Variants in PTPRD observed in about 807,000 individuals in gnomAD.
PTPRD encodes protein tyrosine phosphatase receptor type D.
PTPRD carries 34 observed loss-of-function variants against 214.5 expected under a neutral mutation model. That is an observed-to-expected ratio of 0.16 (90% CI 0.12 to 0.21). The LOEUF (loss-of-function observed/expected upper bound fraction) is 0.21, where lower values mean the gene tolerates loss of function less well. PTPRD is among the 10% of genes least tolerant of loss of function. The probability of loss-of-function intolerance (pLI) is 1.00; values close to 1 mark genes in which losing one functional copy is unlikely to be tolerated. For missense variants in PTPRD, 2,545 were observed against 2,398.7 expected, an observed-to-expected ratio of 1.06 and a Z score of -1.27; for synonymous variants, 1,128 against 845.7, an observed-to-expected ratio of 1.33 and a Z score of -5.79.
At chr9:8,491,678 A>G (rs1304226562) in intron 27 of PTPRD, among the ~76,000 whole-genome samples, 1 of 150,274 alleles carries the variant, frequency 6.7e-6, no homozygotes, top group South Asian at 2.1e-4. Context: ...AAAAAAAAAA[A>G]GCCCAGAAGA....
chr9:10,203,592 A>C (rs771098221), intron 3 of PTPRD, among the ~76,000 whole-genome samples: 5 of 152,294 alleles, frequency 3.3e-5, no homozygotes, highest in Admixed American at 6.5e-5. Context: ...CTCACAGACA[A>C]GGGGCTAGAT....
intron 4 of PTPRD, among the ~76,000 whole-genome samples, chr9:10,022,489 A>G (rs1269620888): frequency 6.6e-6 from 1 of 152,012 alleles, no homozygotes; most frequent in African/African-American, 2.4e-5. Flanking sequence ...CAAGATTATT[A>G]GTATTAGGTT....
intron 11 of PTPRD, chr9:8,860,748 C>T (rs2098087372): frequency 6.6e-6 from 1 of 152,186 alleles, no homozygotes; most frequent in South Asian, 2.1e-4. Flanking sequence ...CAGAAGCAGG[C>T]TAATCTTTTG....
At chr9:9,656,410 T>C (rs544245493) in intron 7 of PTPRD, among the ~76,000 whole-genome samples, 8 of 152,160 alleles carry the variant, frequency 5.3e-5, no homozygotes, top group South Asian at 4.1e-4. Flanking sequence ...ATCCAGACAA[T>C]AGAATATTAT....
intron 5 of PTPRD, among the ~76,000 whole-genome samples, chr9:9,859,316 T>C (rs2062192124): frequency 6.6e-6 from 1 of 152,306 alleles, no homozygotes; most frequent in Admixed American, 6.5e-5. Context: ...CTAATACCCA[T>C]ACCAATCACA....
intron 8 of PTPRD, among the ~76,000 whole-genome samples, chr9:9,525,201 A>G (rs575838475): frequency 6.6e-6 from 1 of 152,212 alleles, no homozygotes; most frequent in Admixed American, 6.5e-5. Context: ...CACAAACATC[A>G]TGTTGTCTTT....
chr9:8,869,399 T>C (rs1283766795), intron 11 of PTPRD, among the ~76,000 whole-genome samples: 4 of 152,188 alleles, frequency 2.6e-5, no homozygotes, highest in Non-Finnish European at 5.9e-5. Context: ...AACATTTGTA[T>C]GGTACTTTAT....
intron 43 of PTPRD, 64 bp from the exon 44 acceptor site, chr9:8,331,800 C>A (rs930747563): frequency 1.3e-6 from 2 of 1,486,548 alleles, no homozygotes; most frequent in Admixed American, 4.9e-5. Flanking sequence ...AGCAAGCATA[C>A]GGACCACAAG....
chr9:9,579,965 G>T (rs773827351), intron 7 of PTPRD, among the ~76,000 whole-genome samples: 24 of 151,994 alleles, frequency 1.6e-4, no homozygotes, highest in Non-Finnish European at 3.1e-4. Context: ...TTTTCCTTCT[G>T]TGTCTGGGTT....
At chr9:9,361,470 G>GT (rs2056120913) in intron 9 of PTPRD, among the ~76,000 whole-genome samples, 1 of 150,542 alleles carries the variant, frequency 6.6e-6, no homozygotes, top group Non-Finnish European at 1.5e-5. Flanking sequence ...TGTTCATAGT[G>GT]TTTTTTAAAA....
intron 3 of PTPRD, among the ~76,000 whole-genome samples, chr9:10,144,799 T>C (rs2099011094): frequency 6.6e-6 from 1 of 152,064 alleles, no homozygotes; most frequent in Admixed American, 6.6e-5. Context: ...TGGATTATAA[T>C]GTTAACAAAA....
At chr9:10,039,549 C>G (rs1368287806) in intron 3 of PTPRD, among the ~76,000 whole-genome samples, 2 of 151,946 alleles carry the variant, frequency 1.3e-5, no homozygotes, top group Non-Finnish European at 2.9e-5. Context: ...TTAATTTCCA[C>G]CTGAAAAACA....
At chr9:8,786,291 A>C (rs190823068) in intron 11 of PTPRD, among the ~76,000 whole-genome samples, 1 of 152,216 alleles carries the variant, frequency 6.6e-6, no homozygotes, top group African/African-American at 2.4e-5. Flanking sequence ...AATTCAACTA[A>C]AACAATTACT....
intron 8 of PTPRD, among the ~76,000 whole-genome samples, chr9:9,397,777 G>T (rs186512656): frequency 3.9e-5 from 6 of 151,988 alleles, no homozygotes; most frequent in African/African-American, 1.4e-4. Context: ...TTAAAAGGCA[G>T]GCAAAAATAC....
chr9:9,400,631 A>G (rs1245771233), intron 8 of PTPRD, among the ~76,000 whole-genome samples: 1 of 152,088 alleles, frequency 6.6e-6, no homozygotes, highest in African/African-American at 2.4e-5. Flanking sequence ...TCTGGAAAAT[A>G]TAGAAATCCT....
Position 9,204,028 on chromosome 9 carries a change from T to C in PTPRD, c.-202-20665A>G, listed in dbSNP as rs943651121. ...GATTAAATTGGGAACACTGAGAATT[T>C]TGCCCTGAGTGATCCACTGCCTTTC... On this transcript the variant is annotated intron_variant, in intron 9 of 45. Coordinates refer to ENST00000381196, the MANE Select transcript of PTPRD (RefSeq NM_002839.4). 2.0e-5 allele frequency among the ~76,000 whole-genome samples: 3 copies of C among 152,170 alleles called. No homozygotes were observed. In the East Asian group the frequency reaches 5.8e-4, roughly 29 times the overall value.
At chr9:8,914,014 T>G (rs554238607) in intron 11 of PTPRD, among the ~76,000 whole-genome samples, 50 of 152,196 alleles carry the variant, frequency 3.3e-4, no homozygotes, top group Non-Finnish European at 6.5e-4. Context: ...GAACGGTCAG[T>G]TTGGTCATGG....
chr9:10,061,146 G>T (rs923497504), intron 3 of PTPRD, among the ~76,000 whole-genome samples: 2 of 151,666 alleles, frequency 1.3e-5, no homozygotes, highest in African/African-American at 2.4e-5. Flanking sequence ...AAATAGAAAA[G>T]AAATACTTGC....
chr9:8,618,566 T>C (rs1191880269), intron 14 of PTPRD, among the ~76,000 whole-genome samples: 1 of 151,806 alleles, frequency 6.6e-6, no homozygotes, highest in Non-Finnish European at 1.5e-5. Flanking sequence ...CTACCAGAGG[T>C]TTCAAAGAGA....
Sources: allele counts gnomAD v4.1 joint callset (sites outside exome capture counted in the v4.1 genomes callset), GRCh38; gene constraint gnomAD v4.1.1; transcripts MANE v1.5; gene names NCBI Gene and HGNC (gene_info 2026-07-23, HGNC 2026-07-21).